AGBL1: variants seen among roughly 807,000 people sequenced by gnomAD.
The protein encoded by AGBL1 is cytosolic carboxypeptidase 4.
AGBL1 carries 130 observed loss-of-function variants against 118.9 expected under a neutral mutation model. The observed-to-expected ratio is 1.09, with a 90% CI of 0.95 to 1.26. AGBL1 has a LOEUF of 1.26. Among genes scored for constraint, AGBL1 ranks in the 50% most tolerant of loss-of-function variants. The pLI is 0.00. For missense variants in AGBL1, 1,584 were observed against 1,298.1 expected, an observed-to-expected ratio of 1.22 and a Z score of -3.38; for synonymous variants, 555 against 478.9, an observed-to-expected ratio of 1.16 and a Z score of -2.08.
chr15:86,310,234 G>C (rs117525715), intron 17 of AGBL1, among the ~76,000 whole-genome samples: 1 of 152,070 alleles, frequency 6.6e-6, no homozygotes, highest in Non-Finnish European at 1.5e-5. Context: ...CATAGTAGTC[G>C]CTTATGATCC....
chr15:86,316,678 G>C (rs2080017018), intron 17 of AGBL1: 1 of 152,168 alleles, frequency 6.6e-6, no homozygotes, highest in South Asian at 2.1e-4. Flanking sequence ...CATGGTAAGG[G>C]AAAAATGGGT....
intron 16 of AGBL1, among the ~76,000 whole-genome samples, chr15:86,292,063 G>T (rs2079555370): frequency 6.6e-6 from 1 of 152,124 alleles, no homozygotes; most frequent in African/African-American, 2.4e-5. Flanking sequence ...TGCTCATGTT[G>T]GCATGGTAGG....
rs79351182 is a variant in AGBL1 at position 86,389,200 on chromosome 15, C to T, written c.2375-8166C>T. ...AGAAAGTTCAATAATCTGGAAATTT[C>T]GATAAAAGTTTTTTTCCTTGTCTTG... On this transcript the variant is annotated intron_variant, in intron 17 of 22. Transcript: ENST00000614907. Among the ~76,000 whole-genome samples, 1,426 of 151,990 alleles carry T rather than the reference C, an allele frequency of 9.4e-3. 12 individuals are homozygous for T. The highest frequency in any genetic ancestry group is 0.014 in the Non-Finnish European group (978 of 67,942).
intron 18 of AGBL1, among the ~76,000 whole-genome samples, chr15:86,486,745 T>C (rs984917533): frequency 7.2e-5 from 11 of 152,116 alleles, no homozygotes; most frequent in Admixed American, 5.2e-4. Context: ...ATGTGTCTTT[T>C]GGAGCTCAAA....
intron 22 of AGBL1, among the ~76,000 whole-genome samples, chr15:86,703,236 G>A (rs914661100): frequency 7.2e-5 from 11 of 152,076 alleles, no homozygotes; most frequent in Admixed American, 2.0e-4. Flanking sequence ...ATGCCTAGAC[G>A]AATAGATATA....
In AGBL1 at chr15:86,264,688, TCC is replaced by T; in HGVS notation, c.1519_1520del (p.Pro507PhefsTer27). ...CTTCTGCAGACACATCTGAAGCGTG[TCC>T]CTTTCCACGATCCCTATCTTTATAT... On this transcript the variant is annotated frameshift_variant, in exon 11 of 23. Transcript: ENST00000614907. LOFTEE classifies it high-confidence loss of function. 1 of 1,614,002 alleles carries T rather than the reference TCC, an allele frequency of 6.2e-7. No homozygotes were observed. Among genetic ancestry groups the T allele is most frequent in the Non-Finnish European group, 8.5e-7 (1 of 1,179,900 alleles).
At chr15:86,473,339 T>C (rs1174576154) in intron 18 of AGBL1, among the ~76,000 whole-genome samples, 3 of 152,188 alleles carry the variant, frequency 2.0e-5, no homozygotes, top group South Asian at 2.1e-4. Flanking sequence ...TGAAAAATTA[T>C]TGGTCAGTTG....
intron 21 of AGBL1, among the ~76,000 whole-genome samples, chr15:86,661,388 T>C (rs1465672008): frequency 6.6e-6 from 1 of 151,800 alleles, no homozygotes; most frequent in African/African-American, 2.4e-5. Context: ...TTTTCCCAAC[T>C]CCTAAAACAG....
intron 18 of AGBL1, among the ~76,000 whole-genome samples, chr15:86,476,028 G>T (rs867417097): frequency 2.6e-5 from 4 of 152,256 alleles, no homozygotes; most frequent in South Asian, 2.1e-4. Context: ...ACAAGCAAAT[G>T]CTGAGAGATT....
intron 19 of AGBL1, among the ~76,000 whole-genome samples, chr15:86,525,386 A>G (rs1273584752): frequency 6.6e-6 from 1 of 152,196 alleles, no homozygotes. Context: ...TCACAGAATT[A>G]GAAAAAACAA....
In AGBL1 at chr15:86,726,728, A is replaced by G. The variant is rs144602792; in HGVS notation, c.3158+52292A>G. Reference sequence around the variant, plus strand: ...AGGCAGGCACCACCATGCCCAGCTAATTGTTTTTATTTATTCTGTTCTCAC... The same window carrying G: ...AGGCAGGCACCACCATGCCCAGCTAGTTGTTTTTATTTATTCTGTTCTCAC... On this transcript the variant is annotated intron_variant, in intron 22 of 22. Transcript: ENST00000614907. Among the ~76,000 whole-genome samples, 330 of 152,060 alleles carry G rather than the reference A, an allele frequency of 2.2e-3. 1 individual carries two copies. Among genetic ancestry groups the G allele is most frequent in the African/African-American group, 7.4e-3 (308 of 41,482 alleles).
At position 86,907,988 on chromosome 15, in the gene AGBL1, A is replaced by G. The variant is rs981917550; in HGVS notation, c.*694A>G. 2 of 152,194 alleles carry G rather than the reference A, an allele frequency of 1.3e-5. No homozygotes were observed. Among genetic ancestry groups the G allele is most frequent in the Non-Finnish European group, 2.9e-5 (2 of 68,028 alleles). 9.4% of individuals were successfully genotyped at this position (152,194 alleles called of 1,614,324 possible). ...ATCCTATGTATTCAGATCACCAAACATAATGCTAGGAAGTACCAGACCTAC... is the reference window on the plus strand; with the variant it reads ...ATCCTATGTATTCAGATCACCAAACGTAATGCTAGGAAGTACCAGACCTAC... On this transcript the variant is annotated 3_prime_UTR_variant, in exon 23 of 23. Coordinates refer to ENST00000614907, the MANE Select transcript of AGBL1 (RefSeq NM_001386094.1).
chr15:86,237,658 C>G (rs528058121), intron 6 of AGBL1, among the ~76,000 whole-genome samples: 1 of 152,034 alleles, frequency 6.6e-6, no homozygotes, highest in Non-Finnish European at 1.5e-5. Context: ...AGTCTAGACT[C>G]AAAATAAAAA....
At chr15:86,347,610 A>G (rs932380029) in intron 17 of AGBL1, among the ~76,000 whole-genome samples, 1 of 152,240 alleles carries the variant, frequency 6.6e-6, no homozygotes, top group Non-Finnish European at 1.5e-5. Flanking sequence ...TTAAGTAAAT[A>G]TATGCCTTCC....
chr15:86,667,851 A>T (rs80251420), intron 21 of AGBL1, among the ~76,000 whole-genome samples: 3,260 of 152,292 alleles, frequency 0.021, 61 homozygotes, highest in Non-Finnish European at 0.037. Context: ...TTAGTTTTGT[A>T]TTGCTGTAAG....
intron 18 of AGBL1, among the ~76,000 whole-genome samples, chr15:86,500,921 C>T (rs1209339294): frequency 6.6e-6 from 1 of 151,624 alleles, no homozygotes; most frequent in Non-Finnish European, 1.5e-5. Flanking sequence ...TGGCTTGTTT[C>T]CTCTTTCTGA....
intron 22 of AGBL1, among the ~76,000 whole-genome samples, chr15:86,773,874 C>A (rs2078216104): frequency 1.3e-5 from 2 of 152,134 alleles, no homozygotes; most frequent in South Asian, 2.1e-4. Context: ...AATATACCAG[C>A]TCCACAGGAA....
chr15:86,426,697 A>G (rs2081870891), intron 18 of AGBL1, among the ~76,000 whole-genome samples: 1 of 152,240 alleles, frequency 6.6e-6, no homozygotes, highest in South Asian at 2.1e-4. Flanking sequence ...TCCTTTGTGG[A>G]TCATATCCTA....
intron 21 of AGBL1, among the ~76,000 whole-genome samples, chr15:86,669,938 C>T (rs1596353925): frequency 6.6e-6 from 1 of 152,132 alleles, no homozygotes; most frequent in East Asian, 1.9e-4. Context: ...TGACTTTATT[C>T]AACTTTATTT....
Sources: allele counts gnomAD v4.1 joint callset (sites outside exome capture counted in the v4.1 genomes callset), GRCh38; gene constraint gnomAD v4.1.1; transcripts MANE v1.5; gene names NCBI Gene and HGNC (gene_info 2026-07-23, HGNC 2026-07-21).